The following DRG1 variants were observed in gnomAD, a reference collection of about 807,000 sequenced individuals.
DRG1 encodes developmentally regulated GTP binding protein 1.
In DRG1, 19 loss-of-function variants were observed where a neutral mutation model predicts 38.8. That is an observed-to-expected ratio of 0.49 (90% confidence interval 0.34 to 0.72). DRG1 has a LOEUF of 0.72. DRG1 is among the 30% of genes least tolerant of loss of function. The probability of loss-of-function intolerance (pLI) is 0.01; values close to 1 mark genes in which losing one functional copy is unlikely to be tolerated. For synonymous variants in DRG1, 167 were observed against 157.5 expected (o/e 1.06, Z -0.45); for missense variants, 299 against 444.8 (o/e 0.67, Z 2.95).
At chr22:31,428,834 G>A (rs1408375085) in intron 8 of DRG1, among the ~76,000 whole-genome samples, 1 of 152,032 alleles carries the variant, frequency 6.6e-6, no homozygotes, top group Non-Finnish European at 1.5e-5. Flanking sequence ...TTTGTCCAGT[G>A]TTCTCTCATG....
intron 8 of DRG1, 41 bp downstream of exon 8, chr22:31,427,223 G>T: frequency 6.2e-7 from 1 of 1,602,208 alleles, no homozygotes; most frequent in Non-Finnish European, 8.5e-7. Flanking sequence ...TTTCCTATGA[G>T]TTACCAATTT....
intron 3 of DRG1, among the ~76,000 whole-genome samples, chr22:31,409,405 A>G (rs1295713397): frequency 6.6e-6 from 1 of 152,066 alleles, no homozygotes; most frequent in Non-Finnish European, 1.5e-5. Context: ...GTCATTTTTT[A>G]CTGGGGACAT....
chr22:31,419,006 G>A (rs2050060444), intron 4 of DRG1, among the ~76,000 whole-genome samples: 2 of 152,110 alleles, frequency 1.3e-5, no homozygotes, highest in South Asian at 4.2e-4. Context: ...GCAGAGACAG[G>A]GTTTCACCAT....
chr22:31,430,359 G>T (rs1035298425), intron 8 of DRG1, among the ~76,000 whole-genome samples: 2 of 150,116 alleles, frequency 1.3e-5, no homozygotes, highest in Non-Finnish European at 3.0e-5. Context: ...AGTTTATACT[G>T]TTATCTCTGA....
At chr22:31,416,339 T>C (rs1023978323) in intron 4 of DRG1, among the ~76,000 whole-genome samples, 9 of 152,174 alleles carry the variant, frequency 5.9e-5, no homozygotes, top group Non-Finnish European at 1.0e-4. Flanking sequence ...TTCTGATGTT[T>C]TCCCATATTA....
At chr22:31,426,004 T>C (rs2050108043) in intron 6 of DRG1, among the ~76,000 whole-genome samples, 1 of 152,214 alleles carries the variant, frequency 6.6e-6, no homozygotes, top group African/African-American at 2.4e-5. Context: ...AATATGACAT[T>C]GGTAGATGCT....
At chr22:31,418,017 C>T (rs2050054084) in intron 4 of DRG1, among the ~76,000 whole-genome samples, 1 of 151,358 alleles carries the variant, frequency 6.6e-6, no homozygotes, top group African/African-American at 2.4e-5. Context: ...ACCACTGAGG[C>T]TGGGCATGGT....
chr22:31,409,449 C>T (rs2050006859), intron 3 of DRG1, among the ~76,000 whole-genome samples: 1 of 152,118 alleles, frequency 6.6e-6, no homozygotes, highest in South Asian at 2.1e-4. Context: ...TTTTGAAGTA[C>T]AGATCCCTAT....
chr22:31,423,457 G>A, intron 6 of DRG1, 47 bp downstream of exon 6: 1 of 1,597,310 alleles, frequency 6.3e-7, no homozygotes, highest in Non-Finnish European at 8.6e-7. Context: ...TGGAAGCCTT[G>A]TGATGGAAAC....
chr22:31,430,259 C>T (rs757882172), intron 8 of DRG1, among the ~76,000 whole-genome samples: 5 of 152,100 alleles, frequency 3.3e-5, no homozygotes, highest in African/African-American at 4.8e-5. Context: ...TGTATGGATA[C>T]TAATGATGCT....
chr22:31,423,437 C>G (rs757163178), intron 6 of DRG1, 27 bp downstream of exon 6: 11 of 1,612,996 alleles, frequency 6.8e-6, no homozygotes, highest in Non-Finnish European at 9.3e-6. Context: ...CAGTCTGTGC[C>G]TGACTGAATT....
chr22:31,410,425 A>T (rs965872039), intron 3 of DRG1, among the ~76,000 whole-genome samples: 3 of 151,640 alleles, frequency 2.0e-5, no homozygotes, highest in Non-Finnish European at 4.4e-5. Flanking sequence ...ACTGCACTCC[A>T]GCTTGGGCGG....
chr22:31,405,301 G>A (rs1362328864), intron 3 of DRG1, among the ~76,000 whole-genome samples: 2 of 151,736 alleles, frequency 1.3e-5, no homozygotes, highest in African/African-American at 4.8e-5. Context: ...TCAAGTAGCT[G>A]GGACTACATG....
At chr22:31,423,698 TG>T (rs1451178996) in intron 6 of DRG1, among the ~76,000 whole-genome samples, 2 of 151,364 alleles carry the variant, frequency 1.3e-5, no homozygotes, top group African/African-American at 4.9e-5. Context: ...AGCTAATTTT[TG>T]TATTTTTAGT....
chr22:31,424,643 C>T (rs1264127312), intron 6 of DRG1, among the ~76,000 whole-genome samples: 6 of 150,392 alleles, frequency 4.0e-5, no homozygotes, highest in Admixed American at 1.3e-4. Context: ...GGATTATAGG[C>T]GCCTGCCACT....
intron 5 of DRG1, 23 bp from the exon 6 acceptor site, chr22:31,423,257 A>G: frequency 6.2e-7 from 1 of 1,612,556 alleles, no homozygotes; most frequent in Non-Finnish European, 8.5e-7. Flanking sequence ...TGTGCTGACT[A>G]GTCATCTGCT....
chr22:31,401,691 G>A (rs1482191297), intron 2 of DRG1, among the ~76,000 whole-genome samples: 3 of 151,894 alleles, frequency 2.0e-5, no homozygotes, highest in African/African-American at 7.3e-5. Context: ...AGGAGGTTGA[G>A]GCTGCAGTGA....
intron 3 of DRG1, 89 bp from the exon 4 acceptor site, chr22:31,410,923 A>C: frequency 7.4e-7 from 1 of 1,348,080 alleles, no homozygotes; most frequent in Non-Finnish European, 1.0e-6. Flanking sequence ...AATTATAGGT[A>C]CTTGAGAAAT....
Position 31,433,939 on chromosome 22 carries a change from G to A in DRG1, c.1072G>A (p.Asp358Asn). The change falls in exon 9 of 9, where the codon GAT (aspartate) becomes AAT (asparagine). Residue 358 changes from aspartate (D) to asparagine (N), a missense_variant. Asp to Asn is a conservative substitution (Grantham distance 23). This residue lies in a region of DRG1 where 198 missense variants were observed against 268.1 expected (regional missense o/e 0.74). Transcript: ENST00000331457. ...QKVGKDHTLE[D>N]EDVIQIVKK The stretch of plus-strand genomic sequence containing the variant: ...AGTGGGTAAAGACCATACGTTGGAG[G>A]ATGAGGATGTCATTCAAATTGTGAA... 1 of 1,614,062 alleles carries A rather than the reference G, an allele frequency of 6.2e-7. No individual in the cohort carries two copies. The highest frequency in any genetic ancestry group is 8.5e-7 in the Non-Finnish European group (1 of 1,179,948).
Sources: allele counts gnomAD v4.1 joint callset (sites outside exome capture counted in the v4.1 genomes callset), GRCh38; gene constraint gnomAD v4.1.1; regional missense constraint gnomAD v4.1.1; transcripts MANE v1.5; gene names NCBI Gene and HGNC (gene_info 2026-07-23, HGNC 2026-07-21).